ADGRV1: variants seen among roughly 807,000 people sequenced by gnomAD.
ADGRV1 encodes G-protein coupled receptor 98.
ADGRV1 carries 359 observed loss-of-function variants against 596.2 expected under a neutral mutation model. The ratio of observed to expected loss-of-function variants is 0.60; its 90% CI spans 0.55 to 0.66. The LOEUF is 0.66. Among genes scored for constraint, ADGRV1 ranks in the 30% least tolerant of loss-of-function variants. The pLI, the probability that ADGRV1 is intolerant of heterozygous loss-of-function variation, is 0.00. For missense variants in ADGRV1, 7,274 were observed against 7,575.6 expected, an observed-to-expected ratio of 0.96 and a Z score of 1.48; for synonymous variants, 2,681 against 2,679.2, an observed-to-expected ratio of 1.00 and a Z score of -0.02.
chr5:90,652,662 T>C (rs989012298), intron 19 of ADGRV1, 99 bp downstream of exon 19: 5 of 705,906 alleles, frequency 7.1e-6, no homozygotes, highest in African/African-American at 1.8e-5. Context: ...CAAAATGCAA[T>C]TGGTGAAGTA....
intron 28 of ADGRV1, among the ~76,000 whole-genome samples, 162 bp downstream of exon 28, chr5:90,684,357 C>T (rs1466167021): frequency 1.3e-5 from 2 of 152,130 alleles, no homozygotes; most frequent in East Asian, 3.8e-4. Flanking sequence ...GGAAGCCAGA[C>T]ACATTTTTTT....
At chr5:90,648,024 G>T (rs1768052268) in intron 17 of ADGRV1, among the ~76,000 whole-genome samples, 2 of 152,084 alleles carry the variant, frequency 1.3e-5, no homozygotes, top group Admixed American at 1.3e-4. Context: ...TGATATATAA[G>T]TAAGTGAATT....
At chr5:90,623,884 G>A (rs1764407756) in intron 5 of ADGRV1, among the ~76,000 whole-genome samples, 1 of 152,166 alleles carries the variant, frequency 6.6e-6, no homozygotes, top group African/African-American at 2.4e-5. Context: ...TACTGACCAT[G>A]TGCCAATCAT....
chr5:91,039,014 G>T (rs956103111), intron 85 of ADGRV1, among the ~76,000 whole-genome samples: 18 of 152,054 alleles, frequency 1.2e-4, no homozygotes, highest in African/African-American at 4.3e-4. Flanking sequence ...AGAAAAGTAT[G>T]CTCTTACTAC....
intron 21 of ADGRV1, among the ~76,000 whole-genome samples, chr5:90,666,201 G>A (rs1406257954): frequency 1.3e-5 from 2 of 151,274 alleles, no homozygotes; most frequent in African/African-American, 2.4e-5. Context: ...TCTGTCTAAT[G>A]TTGACAGTGG....
intron 83 of ADGRV1, among the ~76,000 whole-genome samples, chr5:90,943,402 C>T (rs183393628): frequency 1.4e-4 from 22 of 152,220 alleles, no homozygotes; most frequent in African/African-American, 5.1e-4. Flanking sequence ...TTGAACCTGG[C>T]ACATTCTTCC....
chr5:90,627,886 TC>T (rs1764985960), intron 7 of ADGRV1, 110 bp downstream of exon 7: 2 of 576,476 alleles, frequency 3.5e-6, no homozygotes, highest in Non-Finnish European at 5.7e-6. Context: ...TGTCATTTTT[TC>T]CCACAAAGTT....
intron 85 of ADGRV1, among the ~76,000 whole-genome samples, chr5:91,020,444 A>G (rs1479923094): frequency 1.3e-5 from 2 of 152,052 alleles, no homozygotes; most frequent in Non-Finnish European, 2.9e-5. Flanking sequence ...CTTGAATCTC[A>G]TAACAGATGA....
intron 85 of ADGRV1, among the ~76,000 whole-genome samples, chr5:90,996,591 C>G (rs138046873): frequency 3.3e-5 from 5 of 152,118 alleles, no homozygotes; most frequent in Non-Finnish European, 1.5e-5. Context: ...GTTGGAGTCC[C>G]GACACAGAGT....
intron 85 of ADGRV1, among the ~76,000 whole-genome samples, chr5:91,041,710 A>G (rs779156704): frequency 7.9e-5 from 12 of 152,034 alleles, no homozygotes; most frequent in Non-Finnish European, 1.8e-4. Context: ...CTGAACCAAA[A>G]CCTACTTGAA....
chr5:90,658,223 A>C lies in ADGRV1; in HGVS notation c.4697A>C (p.Gln1566Pro). ...EENTTARLTI[Q>P]KSDNANGLFG... ...AATACTACTGCAAGATTAACAATAC[A>C]AAAAAGTGACAATGCAAATGGCTTG... The change falls in exon 21 of 90, where the codon CAA (glutamine) becomes CCA (proline). Residue 1566 changes from glutamine (Q) to proline (P), a missense_variant. Gln to Pro is a moderately conservative substitution (Grantham distance 76, BLOSUM62 -1). Around this residue, in one of 5 missense-constraint regions of ADGRV1, gnomAD observed 3,643 missense variants for 3,809.2 expected, o/e 0.96. Coordinates refer to ENST00000405460, the MANE Select transcript of ADGRV1 (RefSeq NM_032119.4). The C allele has an allele frequency of 6.5e-7, 1 of 1,549,900 alleles. No homozygotes were observed. The highest frequency in any genetic ancestry group is 8.7e-7 in the Non-Finnish European group (1 of 1,148,118).
intron 21 of ADGRV1, among the ~76,000 whole-genome samples, chr5:90,661,200 C>T (rs4916681): frequency 0.53 from 79,796 of 151,972 alleles, 21,450 homozygotes; most frequent in East Asian, 0.81. Flanking sequence ...TTTACGTGTC[C>T]TGCCAAATTG....
chr5:90,617,859 C>T lies in ADGRV1; in HGVS notation c.263C>T (p.Pro88Leu), dbSNP rs1346584613. ...FFDTYAAAFI[P>L]AGETNRTVYI... ...GACACATATGCTGCAGCTTTTATAC[C>T]TGCCGGAGAAACAAACAGAACAGTG... is the stretch of plus-strand genomic sequence containing the variant. The change falls in exon 3 of 90, where the codon CCT becomes CTT. Residue 88 changes from proline (P) to leucine (L), a missense_variant. By Grantham distance (98) the Pro-to-Leu change is moderately conservative. This residue lies in a region of ADGRV1 where 1,715 missense variants were observed against 1,708.8 expected (regional missense o/e 1.00). Coordinates refer to ENST00000405460, the MANE Select transcript of ADGRV1 (RefSeq NM_032119.4). 1 of 1,600,172 alleles carries T rather than the reference C, an allele frequency of 6.2e-7. No homozygotes were observed. Among genetic ancestry groups the T allele is most frequent in the African/African-American group, 1.3e-5 (1 of 74,850 alleles).
At chr5:90,659,541 T>TTA (rs896372901) in intron 21 of ADGRV1, among the ~76,000 whole-genome samples, 3 of 152,208 alleles carry the variant, frequency 2.0e-5, no homozygotes, top group Non-Finnish European at 4.4e-5. Flanking sequence ...GACCAGTAGA[T>TTA]TTTAAAGTAC....
chr5:90,602,724 TA>T (rs1467614765), intron 1 of ADGRV1, among the ~76,000 whole-genome samples: 1 of 152,170 alleles, frequency 6.6e-6, no homozygotes. Flanking sequence ...AAAAGAAAAT[TA>T]GCTAAAAACG....
chr5:90,681,174 G>A, intron 26 of ADGRV1, 141 bp from the exon 27 acceptor site: 1 of 874,656 alleles, frequency 1.1e-6, no homozygotes, highest in Non-Finnish European at 1.7e-6. Context: ...ATTTGTGTCT[G>A]CCTTTCTTTC....
chr5:90,801,714 G>A (rs571121419), intron 70 of ADGRV1, among the ~76,000 whole-genome samples: 1 of 152,136 alleles, frequency 6.6e-6, no homozygotes, highest in South Asian at 2.1e-4. Flanking sequence ...TTACAGAAAT[G>A]GTTGATTTTT....
In ADGRV1 at chr5:90,985,410, T is replaced by C. The variant is rs201420881; in HGVS notation, c.18040T>C (p.Phe6014Leu). The C allele has an allele frequency of 3.4e-4, 551 of 1,613,830 alleles. 1 individual carries two copies. Among genetic ancestry groups the C allele is most frequent in the East Asian group, 7.8e-4 (35 of 44,864 alleles). ...CACAGAGAGGCGATATCTGCTGTTT[T>C]TCCTTCTGAGTTGGGGACTACCAGC... is the stretch of plus-strand genomic sequence containing the variant. Reference protein sequence around the residue: ...EHTERRYLLFFLLSWGLPAFV... With the variant: ...EHTERRYLLFLLLSWGLPAFV... The change falls in exon 85 of 90, where the codon TTC becomes CTC. Residue 6014 changes from phenylalanine (F) to leucine (L), a missense_variant. Physicochemically the swap from Phe to Leu is conservative, Grantham distance 22. This residue lies in a region of ADGRV1 where 1,874 missense variants were observed against 1,970.2 expected (regional missense o/e 0.95). Coordinates refer to ENST00000405460, the MANE Select transcript of ADGRV1 (RefSeq NM_032119.4).
intron 4 of ADGRV1, among the ~76,000 whole-genome samples, chr5:90,620,310 G>T (rs1763897215): frequency 6.6e-6 from 1 of 152,054 alleles, no homozygotes; most frequent in African/African-American, 2.4e-5. Flanking sequence ...GTGTGAGATG[G>T]TGTCTCATTG....
Sources: allele counts gnomAD v4.1 joint callset (sites outside exome capture counted in the v4.1 genomes callset), GRCh38; gene constraint gnomAD v4.1.1; regional missense constraint gnomAD v4.1.1; transcripts MANE v1.5; gene names NCBI Gene and HGNC (gene_info 2026-07-23, HGNC 2026-07-21).